Variants in LMLN observed in about 807,000 individuals in gnomAD.
LMLN encodes the protein leishmanolysin like peptidase.
LMLN carries 70 observed loss-of-function variants against 92.3 expected under a neutral mutation model. That is an observed-to-expected ratio of 0.76 (90% confidence interval 0.63 to 0.92). The LOEUF is 0.92. Among genes scored for constraint, LMLN ranks in the 40% least tolerant of loss-of-function variants. LMLN has a pLI of 0.00. For synonymous variants in LMLN, 308 were observed against 296.2 expected (o/e 1.04, Z -0.41); for missense variants, 691 against 814.6 (o/e 0.85, Z 1.85).
chr3:198,006,315 A>G (rs1722292546), intron 11 of LMLN, among the ~76,000 whole-genome samples: 1 of 152,150 alleles, frequency 6.6e-6, no homozygotes, highest in African/African-American at 2.4e-5. Flanking sequence ...TTAAACATTC[A>G]CACTTTGAAG....
chr3:198,010,877 A>G (rs534427219), intron 11 of LMLN, among the ~76,000 whole-genome samples: 3 of 152,210 alleles, frequency 2.0e-5, no homozygotes, highest in Non-Finnish European at 4.4e-5. Context: ...ACAAATTCCA[A>G]TATGTTATAT....
chr3:198,023,637 A>G (rs1418565130), intron 13 of LMLN, among the ~76,000 whole-genome samples: 1 of 152,240 alleles, frequency 6.6e-6, no homozygotes, highest in Non-Finnish European at 1.5e-5. Context: ...TATCTTTATA[A>G]TATTTTAAAA....
chr3:197,969,934 A>G (rs1721178339), intron 1 of LMLN, among the ~76,000 whole-genome samples: 1 of 152,226 alleles, frequency 6.6e-6, no homozygotes, highest in African/African-American at 2.4e-5. Context: ...ACCTGAGGTC[A>G]GGAATTCAAG....
intron 12 of LMLN, among the ~76,000 whole-genome samples, chr3:198,021,140 T>G (rs1722770795): frequency 6.6e-6 from 1 of 152,220 alleles, no homozygotes; most frequent in Admixed American, 6.5e-5. Flanking sequence ...TGTCAGCTCT[T>G]AAAACTTCTT....
chr3:198,038,690 G>T, exon 16 of LMLN: 1 of 1,527,876 alleles, frequency 6.5e-7, no homozygotes, highest in Admixed American at 1.7e-5. Context: ...GGATCTTCAA[G>T]ATATTCTTTT....
chr3:197,980,938 T>A (rs1721539250), intron 6 of LMLN, among the ~76,000 whole-genome samples: 1 of 151,894 alleles, frequency 6.6e-6, no homozygotes, highest in Non-Finnish European at 1.5e-5. Context: ...AGAACTCATC[T>A]TGACAAAAAA....
chr3:197,971,944 C>CTTTTTTTTTTT (rs756710031), intron 1 of LMLN, among the ~76,000 whole-genome samples: 27 of 81,210 alleles, frequency 3.3e-4, no homozygotes, highest in African/African-American at 6.1e-4. Context: ...AGTCTCTGTT[C>CTTTTTTTTTTT]TTTTTTTTTT....
intron 9 of LMLN, among the ~76,000 whole-genome samples, chr3:197,994,952 C>T (rs1385740537): frequency 6.6e-6 from 1 of 152,208 alleles, no homozygotes; most frequent in Non-Finnish European, 1.5e-5. Flanking sequence ...CAGAATCAGC[C>T]TAAGTGTCCA....
intron 9 of LMLN, among the ~76,000 whole-genome samples, chr3:197,992,173 T>C (rs1168325008): frequency 6.6e-6 from 1 of 152,074 alleles, no homozygotes; most frequent in Non-Finnish European, 1.5e-5. Context: ...TATATAGATG[T>C]ATACACACAT....
intron 11 of LMLN, among the ~76,000 whole-genome samples, chr3:198,016,961 T>C (rs1320875007): frequency 1.3e-5 from 2 of 152,108 alleles, no homozygotes; most frequent in African/African-American, 4.8e-5. Flanking sequence ...ATCTTCCCCA[T>C]CTCTACAGAA....
intron 8 of LMLN, among the ~76,000 whole-genome samples, chr3:197,987,780 G>A (rs1209962647): frequency 6.6e-6 from 1 of 152,100 alleles, no homozygotes; most frequent in East Asian, 1.9e-4. Context: ...GTATAGCAAA[G>A]CACATTCCCA....
exon 7 of LMLN, chr3:197,983,968 T>G: frequency 6.2e-7 from 1 of 1,613,294 alleles, no homozygotes; most frequent in Non-Finnish European, 8.5e-7. Flanking sequence ...TGCTAACCTG[T>G]GTCCAAATAT....
chr3:197,990,743 T>C (rs1044910607), intron 9 of LMLN, 67 bp downstream of exon 9: 29 of 748,784 alleles, frequency 3.9e-5, no homozygotes, highest in Non-Finnish European at 5.8e-5. Context: ...GTCCTTTCTT[T>C]ACTCATCATT....
chr3:198,000,630 G>C (rs908425859), intron 11 of LMLN, among the ~76,000 whole-genome samples: 11 of 151,912 alleles, frequency 7.2e-5, no homozygotes, highest in Admixed American at 4.6e-4. Flanking sequence ...GTTTCGCCAT[G>C]TCGGCCAGGC....
chr3:198,039,288 C>T (rs1723332535), exon 16 of LMLN: 1 of 153,800 alleles, frequency 6.5e-6, no homozygotes, highest in Non-Finnish European at 1.4e-5. Context: ...TTTTTATTAA[C>T]ATACAACAAT....
chr3:197,978,641 A>G (rs1349527012), intron 5 of LMLN, among the ~76,000 whole-genome samples: 1 of 152,152 alleles, frequency 6.6e-6, no homozygotes, highest in Non-Finnish European at 1.5e-5. Flanking sequence ...TGTCTCAAAA[A>G]TAATTAGATA....
chr3:197,961,897 C>G (rs560410724), intron 1 of LMLN, among the ~76,000 whole-genome samples: 1 of 152,288 alleles, frequency 6.6e-6, no homozygotes, highest in Non-Finnish European at 1.5e-5. Flanking sequence ...AATGAACCCG[C>G]ATGGACCCAT....
intron 14 of LMLN, among the ~76,000 whole-genome samples, chr3:198,029,439 G>A (rs1723019414): frequency 6.6e-6 from 1 of 152,166 alleles, no homozygotes; most frequent in Non-Finnish European, 1.5e-5. Context: ...CACTTTGGTT[G>A]GCTGAGGCTA....
exon 1 of LMLN, chr3:197,960,303 C>G: frequency 1.2e-6 from 2 of 1,613,848 alleles, no homozygotes; most frequent in Non-Finnish European, 1.7e-6. Context: ...GGGCCGGAGC[C>G]GGTGGCGCTG....
Sources: allele counts gnomAD v4.1 joint callset (sites outside exome capture counted in the v4.1 genomes callset), GRCh38; gene constraint gnomAD v4.1.1; transcripts MANE v1.5; gene names NCBI Gene and HGNC (gene_info 2026-07-23, HGNC 2026-07-21).